The following PPP5C variants were observed in gnomAD, a reference collection of about 807,000 sequenced individuals.
PPP5C encodes the protein protein phosphatase 5 catalytic subunit, also known as serine/threonine-protein phosphatase 5.
A neutral mutation model predicts 66.7 loss-of-function variants in PPP5C; 21 were observed. The ratio of observed to expected loss-of-function variants is 0.31; its 90% CI spans 0.22 to 0.45. PPP5C has a LOEUF of 0.45. Ranked by LOEUF, PPP5C falls within the 20% of genes least tolerant of loss-of-function variation. The pLI, the probability that PPP5C is intolerant of heterozygous loss-of-function variation, is 1.00. For synonymous variants in PPP5C, 246 were observed against 257.4 expected (o/e 0.96, Z 0.43); for missense variants, 464 against 675.9 (o/e 0.69, Z 3.48).
intron 11 of PPP5C, among the ~76,000 whole-genome samples, chr19:46,389,315 C>G (rs1042209205): frequency 4.0e-5 from 6 of 148,586 alleles, no homozygotes; most frequent in African/African-American, 1.6e-4. Context: ...GAGTAAGACT[C>G]CATCTCAAAA....
In PPP5C at chr19:46,375,715, C is replaced by A; in HGVS notation, c.475C>A (p.Arg159Ser). ...ERAIAGDEHK[R>S]SVVDSLDIES... is the part of the protein sequence containing the mutation. ...GGCCATCGCGGGCGACGAGCACAAG[C>A]GCTCCGTGGTGGACTCGCTGGACAT... The change falls in exon 3 of 13, where the codon CGC becomes AGC. Residue 159 changes from arginine to serine, a missense_variant. Around this residue, in one of 2 missense-constraint regions of PPP5C, gnomAD observed 387 missense variants for 626.0 expected, o/e 0.62. Transcript: ENST00000012443. 6.2e-7 allele frequency: 1 copy of A among 1,609,830 alleles called. No individual in the cohort carries two copies. The highest frequency in any genetic ancestry group is 8.5e-7 in the Non-Finnish European group (1 of 1,177,926).
intron 2 of PPP5C, among the ~76,000 whole-genome samples, chr19:46,373,579 C>T (rs769052690): frequency 1.1e-4 from 17 of 152,148 alleles, no homozygotes; most frequent in Non-Finnish European, 1.6e-4. Context: ...CTTCCCAGCC[C>T]GCCCACCCCT....
Position 46,376,447 on chromosome 19 carries a change from C to T in PPP5C, c.512-6C>T, listed in dbSNP as rs770912352. On this transcript the variant is annotated splice_polypyrimidine_tract_variant and splice_region_variant and intron_variant, in intron 3 of 12. Transcript: ENST00000012443. The surrounding 1 kb of genome is among the most constrained non-coding windows in gnomAD (Gnocchi z 5.1). Reference sequence around the variant, plus strand: ...TGACTCTCGTGTCCCGTTGTTCACACCCTAGCCATTGAGGATGAGTACAGC... The same window carrying T: ...TGACTCTCGTGTCCCGTTGTTCACATCCTAGCCATTGAGGATGAGTACAGC... 8 of 1,613,116 alleles carry T rather than the reference C, an allele frequency of 5.0e-6. No homozygotes were observed. In the South Asian group the frequency reaches 8.8e-5, roughly 18 times the overall value.
chr19:46,368,589 T>C (rs899302074), intron 2 of PPP5C, among the ~76,000 whole-genome samples: 1 of 152,238 alleles, frequency 6.6e-6, no homozygotes, highest in African/African-American at 2.4e-5. Context: ...CCCGTGGTTT[T>C]AGTGGCATGG....
chr19:46,350,134 C>T (rs988564737), intron 1 of PPP5C, among the ~76,000 whole-genome samples: 2 of 151,984 alleles, frequency 1.3e-5, no homozygotes, highest in East Asian at 1.9e-4. Flanking sequence ...CAAGAGGCTG[C>T]GAGGCCAGGT....
At chr19:46,384,142 C>T (rs1201165812) in intron 6 of PPP5C, 17 of 501,388 alleles carry the variant, frequency 3.4e-5, no homozygotes, top group East Asian at 6.6e-5. Flanking sequence ...GGCTTGTCTT[C>T]GTCTGCCTCA....
At position 46,369,592 on chromosome 19, in the gene PPP5C, A is replaced by C. The variant is rs187326760; in HGVS notation, c.364-6012A>C. On this transcript the variant is annotated intron_variant, in intron 2 of 12. Coordinates refer to ENST00000012443, the MANE Select transcript of PPP5C (RefSeq NM_006247.4). ...GCTTGCAGTGAGCGGACATTGCGCC[A>C]CTGCACCCCAGCCTGGGTGACAGGG... is the stretch of plus-strand genomic sequence containing the variant. Among the ~76,000 whole-genome samples the C allele has an allele frequency of 7.6e-3, 1,115 of 146,746 alleles. 12 individuals are homozygous for C. The highest frequency in any genetic ancestry group is 0.013 in the Non-Finnish European group (845 of 67,306).
chr19:46,363,255 C>T (rs1319698185), intron 2 of PPP5C, among the ~76,000 whole-genome samples: 2 of 97,892 alleles, frequency 2.0e-5, no homozygotes, highest in African/African-American at 8.0e-5. Context: ...TTGCAGTGAG[C>T]CGAGATCCCG....
chr19:46,374,890 C>T (rs1016957163), intron 2 of PPP5C, among the ~76,000 whole-genome samples: 11 of 152,162 alleles, frequency 7.2e-5, no homozygotes, highest in African/African-American at 2.7e-4. Flanking sequence ...TCACCCAGCT[C>T]ATGACTTGCA....
At chr19:46,368,289 A>G (rs1972524689) in intron 2 of PPP5C, among the ~76,000 whole-genome samples, 1 of 152,206 alleles carries the variant, frequency 6.6e-6, no homozygotes, top group African/African-American at 2.4e-5. Flanking sequence ...CCCCAGTTGC[A>G]GCTGCTGTAC....
At chr19:46,363,235 G>A in intron 2 of PPP5C, among the ~76,000 whole-genome samples, 1 of 121,244 alleles carries the variant, frequency 8.2e-6, no homozygotes, top group South Asian at 3.2e-4. Context: ...GTGAACCCGG[G>A]AGGCGGAGCT....
intron 4 of PPP5C, among the ~76,000 whole-genome samples, chr19:46,378,172 G>A (rs900790732): frequency 3.9e-5 from 6 of 152,072 alleles, no homozygotes; most frequent in African/African-American, 7.2e-5. Flanking sequence ...AGTTAGCTGC[G>A]TCCCGTGAAT....
intron 2 of PPP5C, among the ~76,000 whole-genome samples, chr19:46,359,527 A>G (rs1972344745): frequency 6.6e-6 from 1 of 152,214 alleles, no homozygotes; most frequent in Non-Finnish European, 1.5e-5. Flanking sequence ...TACAAACTGT[A>G]GGCAAGTAAT....
chr19:46,358,014 C>T (rs1357958949), intron 2 of PPP5C, among the ~76,000 whole-genome samples: 16 of 152,168 alleles, frequency 1.1e-4, no homozygotes, highest in Non-Finnish European at 2.4e-4. Flanking sequence ...CCACTTTGGT[C>T]ATTCCAGTGA....
chr19:46,353,606 G>A (rs1972230228), intron 1 of PPP5C, 142 bp from the exon 2 acceptor site: 1 of 1,263,418 alleles, frequency 7.9e-7, no homozygotes, highest in Non-Finnish European at 1.1e-6. Flanking sequence ...AGGCAGGAGG[G>A]GCAGGCTGAA....
intron 2 of PPP5C, among the ~76,000 whole-genome samples, chr19:46,375,384 G>A (rs1316018588): frequency 1.3e-5 from 2 of 152,246 alleles, no homozygotes; most frequent in Non-Finnish European, 2.9e-5. Flanking sequence ...TCATAGCTAA[G>A]ATTGATGAAG....
Position 46,354,000 on chromosome 19 carries a change from G to A in PPP5C, c.363+11G>A, listed in dbSNP as rs41275764. 0.27 allele frequency: 431,291 copies of A among 1,608,906 alleles called. 62,411 individuals are homozygous for A. The highest frequency in any genetic ancestry group is 0.31 in the Non-Finnish European group (359,505 of 1,178,532). ...CGAGACTACGAGACGGTGAGCTGGG[G>A]AGTGGGCCAGGCCTGGCACCTGAGC... On this transcript the variant is annotated intron_variant, in intron 2 of 12. Coordinates refer to ENST00000012443, the MANE Select transcript of PPP5C (RefSeq NM_006247.4).
In PPP5C at chr19:46,358,536, G is replaced by A. The variant is rs537442114; in HGVS notation, c.363+4547G>A. ...CTCATTTATTCATTCGTTTACCCTC[G>A]TAAATGTTCCTCCGTTTCTTCATTT... On this transcript the variant is annotated intron_variant, in intron 2 of 12. Coordinates refer to ENST00000012443, the MANE Select transcript of PPP5C (RefSeq NM_006247.4). Among the ~76,000 whole-genome samples the A allele has an allele frequency of 3.3e-5, 5 of 152,224 alleles. No homozygotes were observed. The South Asian group carries it at 8.3e-4, about 25-fold the overall frequency.
chr19:46,360,585 C>T (rs1041065977), intron 2 of PPP5C, among the ~76,000 whole-genome samples: 1 of 151,998 alleles, frequency 6.6e-6, no homozygotes. Context: ...ACTGCAACCA[C>T]GGCCTCCTGG....
Sources: allele counts gnomAD v4.1 joint callset (sites outside exome capture counted in the v4.1 genomes callset), GRCh38; gene constraint gnomAD v4.1.1; regional missense constraint gnomAD v4.1.1; non-coding constraint Gnocchi (gnomAD v3.1); transcripts MANE v1.5; gene names NCBI Gene and HGNC (gene_info 2026-07-23, HGNC 2026-07-21).